AGBL4: variants seen among roughly 807,000 people sequenced by gnomAD.
AGBL4 encodes the protein AGBL carboxypeptidase 4.
Under a neutral mutation model 66.4 loss-of-function variants are expected in AGBL4, and 58 were observed. The observed-to-expected ratio is 0.87, with a 90% CI of 0.71 to 1.09. The LOEUF (loss-of-function observed/expected upper bound fraction) is 1.09, where lower values mean the gene tolerates loss of function less well. Among genes scored for constraint, AGBL4 ranks in the 50% least tolerant of loss-of-function variants. AGBL4 has a pLI of 0.00. For synonymous variants in AGBL4, 234 were observed against 222.9 expected (o/e 1.05, Z -0.44); for missense variants, 579 against 631.0 (o/e 0.92, Z 0.88).
chr1:49,856,166 T>C (rs1646427910), intron 1 of AGBL4, among the ~76,000 whole-genome samples: 1 of 152,010 alleles, frequency 6.6e-6, no homozygotes, highest in Non-Finnish European at 1.5e-5. Context: ...TGTGAATATA[T>C]ATAACCTATA....
At chr1:49,606,225 C>A (rs567283956) in intron 3 of AGBL4, among the ~76,000 whole-genome samples, 101 of 152,182 alleles carry the variant, frequency 6.6e-4, no homozygotes, top group Admixed American at 1.2e-3. Context: ...AAAATCAATA[C>A]CATATTACTC....
intron 3 of AGBL4, among the ~76,000 whole-genome samples, chr1:49,407,308 GGGCATT>G (rs1645225363): frequency 6.6e-6 from 1 of 152,280 alleles, no homozygotes; most frequent in Admixed American, 6.5e-5. Context: ...CCTGCCAAGA[GGGCATT>G]GCTTAGCAGA....
At chr1:48,712,093 T>C (rs1254879998) in intron 6 of AGBL4, among the ~76,000 whole-genome samples, 1 of 152,146 alleles carries the variant, frequency 6.6e-6, no homozygotes, top group Non-Finnish European at 1.5e-5. Context: ...TCTCTCTGAA[T>C]CCTAAAAGCT....
intron 3 of AGBL4, among the ~76,000 whole-genome samples, chr1:49,619,867 G>T (rs984749259): frequency 6.6e-5 from 10 of 152,092 alleles, no homozygotes; most frequent in Admixed American, 3.3e-4. Flanking sequence ...ACAAGCAATG[G>T]GGAAAGGATT....
chr1:49,567,370 A>C (rs1644233697), intron 3 of AGBL4, among the ~76,000 whole-genome samples: 1 of 152,052 alleles, frequency 6.6e-6, no homozygotes, highest in South Asian at 2.1e-4. Context: ...GAAATGCAGA[A>C]ATCACCCGTC....
intron 5 of AGBL4, among the ~76,000 whole-genome samples, chr1:49,034,036 G>C (rs1331284119): frequency 6.6e-6 from 1 of 151,896 alleles, no homozygotes; most frequent in Non-Finnish European, 1.5e-5. Flanking sequence ...TTCCAGTGTT[G>C]ATTCCTATCA....
rs549286343 is a variant in AGBL4, at chr1:49,806,001, G to A, written c.157+45395C>T. On this transcript the variant is annotated intron_variant, in intron 2 of 13. Coordinates refer to ENST00000371839, the MANE Select transcript of AGBL4 (RefSeq NM_032785.4). ...TGCAAATGTTTGTACTGATAATCAG[G>A]TACTGCTATAACAAATACCTAAAAT... is the stretch of plus-strand genomic sequence containing the variant. 2.6e-5 allele frequency among the ~76,000 whole-genome samples: 4 copies of A among 152,246 alleles called. No individual in the cohort carries two copies. In the East Asian group the frequency reaches 7.7e-4, roughly 29 times the overall value.
chr1:49,841,214 AT>A (rs1345112668), intron 2 of AGBL4, among the ~76,000 whole-genome samples: 1 of 152,198 alleles, frequency 6.6e-6, no homozygotes, highest in African/African-American at 2.4e-5. Flanking sequence ...AGCATCCAGA[AT>A]GGGAATCAAA....
At chr1:48,639,917 C>T (rs926712803) in intron 8 of AGBL4, among the ~76,000 whole-genome samples, 1 of 152,156 alleles carries the variant, frequency 6.6e-6, no homozygotes, top group African/African-American at 2.4e-5. Context: ...GGTTTCAGGA[C>T]CAAAAAGCAG....
chr1:49,987,718 T>C lies in AGBL4; in HGVS notation c.34+36045A>G, dbSNP rs116430726. Among the ~76,000 whole-genome samples, 1,153 of 152,118 alleles carry C rather than the reference T, an allele frequency of 7.6e-3. 11 individuals are homozygous for C. The highest frequency in any genetic ancestry group is 0.026 in the African/African-American group (1,071 of 41,566). On this transcript the variant is annotated intron_variant, in intron 1 of 13. Transcript: ENST00000371839. ...CTTTTAAAATTTTTATAAAAGTTGT[T>C]ATATTATTTGTGTAATTTTTATTAT...
intron 5 of AGBL4, among the ~76,000 whole-genome samples, chr1:48,988,289 T>G (rs1660332522): frequency 1.3e-5 from 2 of 152,202 alleles, no homozygotes; most frequent in Non-Finnish European, 2.9e-5. Context: ...CCAAACTATT[T>G]ATGTATGTTT....
chr1:49,819,329 C>T (rs971277229), intron 2 of AGBL4, among the ~76,000 whole-genome samples: 65 of 152,274 alleles, frequency 4.3e-4, no homozygotes, highest in African/African-American at 1.5e-3. Context: ...TTCTCTCTTG[C>T]GATGCATTCA....
intron 3 of AGBL4, among the ~76,000 whole-genome samples, chr1:49,500,716 T>C (rs1001359048): frequency 2.0e-5 from 3 of 152,172 alleles, no homozygotes; most frequent in Non-Finnish European, 4.4e-5. Context: ...CTGGGTTCTC[T>C]ATTCTGTTCC....
At chr1:48,647,700 A>G in intron 8 of AGBL4, 3 of 404,430 alleles carry the variant, frequency 7.4e-6, no homozygotes, top group South Asian at 5.4e-5. Context: ...TGCATTACCT[A>G]TGCTCAGAAA....
intron 4 of AGBL4, among the ~76,000 whole-genome samples, chr1:49,178,941 T>C (rs1646879208): frequency 2.6e-5 from 4 of 152,338 alleles, no homozygotes; most frequent in Middle Eastern, 3.4e-3. Flanking sequence ...TTAGAGATGG[T>C]ATCAAAGCTG....
intron 3 of AGBL4, among the ~76,000 whole-genome samples, chr1:49,377,163 C>A (rs977429077): frequency 2.6e-5 from 4 of 152,058 alleles, no homozygotes; most frequent in Non-Finnish European, 4.4e-5. Context: ...TGAACACCTA[C>A]TTTCCCCCAT....
At chr1:49,374,206 T>G (rs538406607) in intron 3 of AGBL4, 1 of 151,990 alleles carries the variant, frequency 6.6e-6, no homozygotes, top group Non-Finnish European at 1.5e-5. Context: ...GTTTTAGGTT[T>G]CACACATGTA....
chr1:49,735,841 A>T (rs1032620909), intron 2 of AGBL4, among the ~76,000 whole-genome samples: 1 of 152,174 alleles, frequency 6.6e-6, no homozygotes, highest in Non-Finnish European at 1.5e-5. Flanking sequence ...ATAAAGACAG[A>T]GTATTTTTTA....
chr1:48,666,313 A>G (rs947500845), intron 6 of AGBL4, among the ~76,000 whole-genome samples: 1 of 152,206 alleles, frequency 6.6e-6, no homozygotes, highest in African/African-American at 2.4e-5. Context: ...TGAAGAAGAA[A>G]GTATGCTTGA....
Sources: gnomAD v4.1 joint callset for allele counts (sites outside exome capture counted in the v4.1 genomes callset) on GRCh38, gnomAD v4.1.1 for gene constraint, MANE v1.5 for transcripts, NCBI Gene and HGNC (gene_info 2026-07-23, HGNC 2026-07-21) for gene names.